The following MSH4 variants were observed in gnomAD, a reference collection of about 807,000 sequenced individuals.
MSH4 encodes the protein mutS protein homolog 4.
A neutral mutation model predicts 113.7 loss-of-function variants in MSH4; 106 were observed. The ratio of observed to expected loss-of-function variants is 0.93; its 90% confidence interval spans 0.80 to 1.10. MSH4 has a LOEUF of 1.10. MSH4 is among the 50% of genes least tolerant of loss of function. The probability of loss-of-function intolerance (pLI) is 0.00; values close to 1 mark genes in which losing one functional copy is unlikely to be tolerated. For synonymous variants in MSH4, 368 were observed against 380.2 expected (o/e 0.97, Z 0.37); for missense variants, 1,061 against 1,093.7 (o/e 0.97, Z 0.42).
intron 7 of MSH4, among the ~76,000 whole-genome samples, chr1:75,830,286 ATG>A (rs1300827902): frequency 6.6e-6 from 1 of 152,188 alleles, no homozygotes; most frequent in Non-Finnish European, 1.5e-5. Context: ...ATGTGGCACT[ATG>A]TGAAAAAACC....
At position 75,804,018 on chromosome 1, in the gene MSH4, A is replaced by C. The variant is rs188394022; in HGVS notation, c.427+105A>C. 27 of 722,500 alleles carry C rather than the reference A, an allele frequency of 3.7e-5. No individual in the cohort carries two copies. The African/African-American group carries it at 4.8e-4, about 13-fold the overall frequency. The allele number at this position is 722,500 out of a possible 1,614,324, so 44.8% of individuals were successfully genotyped here. A position where few individuals can be genotyped will look rare whatever the true frequency, so the allele number is the denominator to read the frequency against. On this transcript the variant is annotated intron_variant, in intron 2 of 19. Transcript: ENST00000263187. ...TCATTTGAATTTATCTATAACTGAT[A>C]TGAATGAAAAATAAATACATTAGTT...
At position 75,890,696 on chromosome 1, in the gene MSH4, A is replaced by G. The variant is rs772321001; in HGVS notation, c.2227A>G (p.Ile743Val). ...TAAATATTAAAATTATATATTTCAG[A>G]TAGCATATATTCTACATAATGCTAA... ...SSTFMKEMKE[I>V]AYILHNANDK... Residue 743 changes from isoleucine to valine, a missense_variant and splice_region_variant, in exon 17 of 20, where the codon ATA becomes GTA. Transcript: ENST00000263187. 7.8e-5 allele frequency: 113 copies of G among 1,449,272 alleles called. No individual in the cohort carries two copies. Among genetic ancestry groups the G allele is most frequent in the Non-Finnish European group, 1.0e-4 (107 of 1,056,482 alleles). 89.8% of individuals were successfully genotyped at this position (1,449,272 alleles called of 1,614,324 possible).
intron 8 of MSH4, among the ~76,000 whole-genome samples, chr1:75,855,975 A>T (rs543252557): frequency 6.6e-6 from 1 of 152,326 alleles, no homozygotes; most frequent in East Asian, 1.9e-4. Flanking sequence ...TTATGCAATC[A>T]CACAGTTTCA....
intron 15 of MSH4, among the ~76,000 whole-genome samples, chr1:75,886,028 A>G (rs1375120459): frequency 1.3e-5 from 1 of 75,828 alleles, no homozygotes; most frequent in Non-Finnish European, 2.3e-5. Context: ...TATTATATAT[A>G]GCATGTATAG....
Position 75,912,677 on chromosome 1 carries a change from T to G in MSH4, c.2620-19T>G. 3.4e-6 allele frequency: 4 copies of G among 1,192,706 alleles called. No homozygotes were observed. Among genetic ancestry groups the G allele is most frequent in the Non-Finnish European group, 4.3e-6 (4 of 936,090 alleles). 73.9% of individuals were successfully genotyped at this position (1,192,706 alleles called of 1,614,324 possible). ...GTATTTGTGTATATATATATATATT[T>G]TTTTTTTTTCAATGACAGCAAAACC... On this transcript the variant is annotated intron_variant, in intron 19 of 19. Transcript: ENST00000263187.
intron 7 of MSH4, among the ~76,000 whole-genome samples, chr1:75,846,959 G>T (rs1330248319): frequency 6.6e-6 from 1 of 152,162 alleles, no homozygotes. Context: ...ATTTATAAAG[G>T]ACAGAGATTT....
intron 2 of MSH4, among the ~76,000 whole-genome samples, chr1:75,804,216 T>C (rs1051044785): frequency 3.3e-5 from 5 of 152,122 alleles, no homozygotes; most frequent in Non-Finnish European, 5.9e-5. Context: ...TTGACCCTGA[T>C]ATTACTAGTG....
rs529230119 is a variant in MSH4, at chr1:75,803,470, C to G, written c.245-261C>G. Reference sequence around the variant, plus strand: ...CATCTCTACTAAAAATACAAAAATTCACCAGGCGTGGTGGCGGGTGCCTGT... The same window carrying G: ...CATCTCTACTAAAAATACAAAAATTGACCAGGCGTGGTGGCGGGTGCCTGT... On this transcript the variant is annotated intron_variant, in intron 1 of 19. Coordinates refer to ENST00000263187, the MANE Select transcript of MSH4 (RefSeq NM_002440.4). Among the ~76,000 whole-genome samples, 31 of 151,832 alleles carry G rather than the reference C, an allele frequency of 2.0e-4. 1 individual carries two copies. Among genetic ancestry groups the G allele is most frequent in the Admixed American group, 1.9e-3 (29 of 15,212 alleles).
At chr1:75,875,082 C>T (rs952706353) in intron 9 of MSH4, among the ~76,000 whole-genome samples, 100 of 152,134 alleles carry the variant, frequency 6.6e-4, no homozygotes, top group African/African-American at 8.9e-4. Flanking sequence ...TTGATAGAGA[C>T]GGGGTTTCGC....
intron 19 of MSH4, among the ~76,000 whole-genome samples, chr1:75,908,230 C>G (rs1652712711): frequency 6.7e-6 from 1 of 150,296 alleles, no homozygotes; most frequent in African/African-American, 2.5e-5. Flanking sequence ...ACTGCAACCT[C>G]TGCCTCCTGG....
intron 17 of MSH4, among the ~76,000 whole-genome samples, chr1:75,892,965 A>T (rs1324839099): frequency 6.6e-6 from 1 of 152,136 alleles, no homozygotes; most frequent in Non-Finnish European, 1.5e-5. Flanking sequence ...TTCCAGGTGA[A>T]TGCAGGCAAA....
intron 19 of MSH4, among the ~76,000 whole-genome samples, chr1:75,906,057 C>A (rs1408342371): frequency 1.3e-5 from 2 of 151,832 alleles, no homozygotes; most frequent in African/African-American, 4.8e-5. Flanking sequence ...GTGGCTTGAT[C>A]TCAGTTCACT....
intron 15 of MSH4, among the ~76,000 whole-genome samples, chr1:75,888,671 T>G (rs1411297543): frequency 6.6e-6 from 1 of 152,058 alleles, no homozygotes; most frequent in East Asian, 1.9e-4. Context: ...TACATAGTGA[T>G]GTTTGAATAC....
At chr1:75,869,272 G>A (rs1651658099) in intron 9 of MSH4, among the ~76,000 whole-genome samples, 1 of 152,130 alleles carries the variant, frequency 6.6e-6, no homozygotes, top group East Asian at 1.9e-4. Context: ...GGGTATCCAG[G>A]GGGAAGAAAT....
At chr1:75,863,600 C>T (rs1349980965) in intron 8 of MSH4, among the ~76,000 whole-genome samples, 1 of 152,092 alleles carries the variant, frequency 6.6e-6, no homozygotes, top group Non-Finnish European at 1.5e-5. Context: ...AACAAATCTT[C>T]GCCTCACCAC....
chr1:75,798,481 A>C (rs1470355616), intron 1 of MSH4, among the ~76,000 whole-genome samples: 1 of 151,900 alleles, frequency 6.6e-6, no homozygotes, highest in Non-Finnish European at 1.5e-5. Context: ...CTTACTTCAG[A>C]CTGTCTTCTG....
At chr1:75,878,063 C>A (rs1332544894) in intron 10 of MSH4, 86 bp from the exon 11 acceptor site, 3 of 984,342 alleles carry the variant, frequency 3.0e-6, no homozygotes, top group African/African-American at 3.4e-5. Flanking sequence ...CAAAAATTTG[C>A]TATCATCAAT....
At chr1:75,902,635 G>C (rs1429256131) in intron 19 of MSH4, among the ~76,000 whole-genome samples, 1 of 92,326 alleles carries the variant, frequency 1.1e-5, no homozygotes, top group African/African-American at 4.2e-5. Context: ...TGTGAATAGT[G>C]CTGTGATGAA....
chr1:75,853,043 G>C (rs556117968), intron 8 of MSH4, among the ~76,000 whole-genome samples: 1 of 148,894 alleles, frequency 6.7e-6, no homozygotes, highest in Non-Finnish European at 1.5e-5. Context: ...CCAGAAATTA[G>C]TAACTATTTT....
Sources: allele counts gnomAD v4.1 joint callset (sites outside exome capture counted in the v4.1 genomes callset), GRCh38; gene constraint gnomAD v4.1.1; transcripts MANE v1.5; gene names NCBI Gene and HGNC (gene_info 2026-07-23, HGNC 2026-07-21).